CD274: variants seen among roughly 807,000 people sequenced by gnomAD.
CD274 encodes CD274 molecule, also known as programmed cell death 1 ligand 1.
CD274 carries 8 observed loss-of-function variants against 30.1 expected under a neutral mutation model. The ratio of observed to expected loss-of-function variants is 0.27; its 90% CI spans 0.16 to 0.48. CD274 has a LOEUF of 0.48. Ranked by LOEUF, CD274 falls within the 20% of genes least tolerant of loss-of-function variation. CD274 has a pLI of 0.99. For synonymous variants in CD274, 152 were observed against 124.6 expected (o/e 1.22, Z -1.46); for missense variants, 353 against 346.6 (o/e 1.02, Z -0.15).
intron 1 of CD274, among the ~76,000 whole-genome samples, chr9:5,454,299 T>C (rs1819261503): frequency 2.0e-5 from 3 of 152,224 alleles, no homozygotes; most frequent in Non-Finnish European, 4.4e-5. Context: ...CCTTCCTTTT[T>C]TCCCTTTAAA....
At chr9:5,458,237 T>C (rs1444520819) in intron 3 of CD274, among the ~76,000 whole-genome samples, 1 of 152,156 alleles carries the variant, frequency 6.6e-6, no homozygotes, top group Non-Finnish European at 1.5e-5. Context: ...TTTCACAGAA[T>C]TGAGAGCTGA....
intron 3 of CD274, among the ~76,000 whole-genome samples, chr9:5,462,613 A>G (rs1254082406): frequency 6.6e-6 from 1 of 152,208 alleles, no homozygotes; most frequent in African/African-American, 2.4e-5. Context: ...CATGATTTTT[A>G]TAGAAAGATA....
intron 1 of CD274, among the ~76,000 whole-genome samples, chr9:5,452,920 C>T (rs1417704702): frequency 7.0e-6 from 1 of 143,398 alleles, no homozygotes; most frequent in Non-Finnish European, 1.6e-5. Flanking sequence ...AAGTTTTCTT[C>T]TGCCTAGTAA....
intron 2 of CD274, 135 bp downstream of exon 2, chr9:5,456,300 A>T (rs1819301118): frequency 1.7e-6 from 1 of 588,448 alleles, no homozygotes; most frequent in Non-Finnish European, 3.0e-6. Context: ...TACTTTACAC[A>T]ATGGCAAAGT....
chr9:5,454,872 CTT>C (rs1322415828), intron 1 of CD274, among the ~76,000 whole-genome samples: 1 of 152,016 alleles, frequency 6.6e-6, no homozygotes, highest in Non-Finnish European at 1.5e-5. Context: ...TATTTCATAT[CTT>C]ATATTTTTTA....
rs114579116 is a variant in CD274, at chr9:5,469,424, C to T, written c.*1562C>T. 992 of 232,010 alleles carry T rather than the reference C, an allele frequency of 4.3e-3. 6 individuals carry two copies. Among genetic ancestry groups the T allele is most frequent in the African/African-American group, 0.02 (913 of 45,388 alleles). The allele number at this position is 232,010 out of a possible 1,614,324, so 14.4% of individuals were successfully genotyped here. The stretch of plus-strand genomic sequence containing the variant: ...TCCTTTCCAGAAGCAACTGCTACTG[C>T]CTTTCATTCATATGTTCTTCTAAAG... On this transcript the variant is annotated 3_prime_UTR_variant, in exon 7 of 7. Transcript: ENST00000381577.
chr9:5,457,193 A>G lies in CD274; in HGVS notation c.167A>G (p.Tyr56Cys), dbSNP rs2131211665. The change falls in exon 3 of 7, where the codon TAT becomes TGT. Residue 56 changes from tyrosine (Y) to cysteine (C), a missense_variant. Tyr to Cys is a radical substitution (Grantham distance 194). Transcript: ENST00000381577. ...KQLDLAALIV[Y>C]WEMEDKNIIQ... Reference sequence around the variant, plus strand: ...TTAGACCTGGCTGCACTAATTGTCTATTGGGAAATGGAGGATAAGAACATT... The same window carrying G: ...TTAGACCTGGCTGCACTAATTGTCTGTTGGGAAATGGAGGATAAGAACATT... 6.2e-7 allele frequency: 1 copy of G among 1,614,012 alleles called. No individual in the cohort carries two copies. Among genetic ancestry groups the G allele is most frequent in the Non-Finnish European group, 8.5e-7 (1 of 1,179,860 alleles).
At chr9:5,451,543 T>G (rs373011533) in intron 1 of CD274, among the ~76,000 whole-genome samples, 1 of 152,356 alleles carries the variant, frequency 6.6e-6, no homozygotes, top group East Asian at 1.9e-4. Flanking sequence ...AAAGGATGTA[T>G]CAGTTGACAA....
chr9:5,465,424 T>C (rs1819480225), intron 4 of CD274, 75 bp from the exon 5 acceptor site: 1 of 820,714 alleles, frequency 1.2e-6, no homozygotes, highest in Non-Finnish European at 2.1e-6. Flanking sequence ...ACTTCAAGGA[T>C]GACCATTCTC....
chr9:5,452,026 CT>C (rs71326169), intron 1 of CD274, among the ~76,000 whole-genome samples: 302 of 126,410 alleles, frequency 2.4e-3, no homozygotes, highest in Middle Eastern at 0.017. Flanking sequence ...TTTTTTTTGT[CT>C]TTTTTTTTTT....
In CD274 at chr9:5,469,571, A is replaced by G. The variant is rs965257255; in HGVS notation, c.*1709A>G. ...TTTTATTTATTTTAGTGTTTCTTAT[A>G]TAGCAGATGGAATGAATTTGAAGTT... On this transcript the variant is annotated 3_prime_UTR_variant, in exon 7 of 7. Coordinates refer to ENST00000381577, the MANE Select transcript of CD274 (RefSeq NM_014143.4). The G allele has an allele frequency of 1.7e-5, 4 of 231,824 alleles. No individual in the cohort carries two copies. The highest frequency in any genetic ancestry group is 1.7e-4 in the Admixed American group (3 of 17,738). The allele number at this position is 231,824 out of a possible 1,614,324, so 14.4% of individuals were successfully genotyped here. A position where few individuals can be genotyped will look rare whatever the true frequency, so the allele number is the denominator to read the frequency against.
intron 3 of CD274, among the ~76,000 whole-genome samples, chr9:5,458,569 A>C (rs934533272): frequency 1.3e-5 from 2 of 152,222 alleles, no homozygotes; most frequent in Non-Finnish European, 2.9e-5. Context: ...TACAAGTAGA[A>C]AAAGTATACA....
rs1819540752 is a variant in CD274, at chr9:5,468,877, A to C, written c.*1015A>C. 2 of 233,054 alleles carry C rather than the reference A, an allele frequency of 8.6e-6. No homozygotes were observed. The highest frequency in any genetic ancestry group is 1.7e-5 in the Non-Finnish European group (2 of 117,960). The allele number at this position is 233,054 out of a possible 1,614,324, so 14.4% of individuals were successfully genotyped here. ...TCTTTTATTCAAAAACCATTTATTAAGTGCCCTTGCAATATCAATCGCTGT... is the reference window on the plus strand; with the variant it reads ...TCTTTTATTCAAAAACCATTTATTACGTGCCCTTGCAATATCAATCGCTGT... On this transcript the variant is annotated 3_prime_UTR_variant, in exon 7 of 7. Coordinates refer to ENST00000381577, the MANE Select transcript of CD274 (RefSeq NM_014143.4).
chr9:5,456,867 A>G (rs1819313120), intron 2 of CD274, among the ~76,000 whole-genome samples: 1 of 152,310 alleles, frequency 6.6e-6, no homozygotes. Context: ...AGCTAATTTT[A>G]TTATTCTGCT....
chr9:5,459,871 G>A (rs542374980), intron 3 of CD274, among the ~76,000 whole-genome samples: 16 of 152,058 alleles, frequency 1.1e-4, no homozygotes, highest in Admixed American at 8.5e-4. Context: ...GGACCAAATC[G>A]ACTGCTGTCA....
At chr9:5,453,133 G>A (rs1819236961) in intron 1 of CD274, among the ~76,000 whole-genome samples, 1 of 152,048 alleles carries the variant, frequency 6.6e-6, no homozygotes, top group African/African-American at 2.4e-5. Context: ...AGGCCTGAAT[G>A]CCATCGCTAT....
chr9:5,454,646 T>C (rs901279610), intron 1 of CD274, among the ~76,000 whole-genome samples: 3 of 152,048 alleles, frequency 2.0e-5, no homozygotes, highest in Non-Finnish European at 2.9e-5. Flanking sequence ...TATATATGTG[T>C]GTGTGTGTGT....
At chr9:5,467,211 A>G (rs1246487150) in intron 6 of CD274, among the ~76,000 whole-genome samples, 2 of 151,082 alleles carry the variant, frequency 1.3e-5, no homozygotes, top group African/African-American at 4.9e-5. Flanking sequence ...AAAGAGAGAG[A>G]GAGAGAGAGA....
chr9:5,451,585 A>C (rs1419476903), intron 1 of CD274, among the ~76,000 whole-genome samples: 1 of 152,262 alleles, frequency 6.6e-6, no homozygotes, highest in Non-Finnish European at 1.5e-5. Flanking sequence ...AAGGAGAACT[A>C]TGATACTCTG....
Sources: allele counts gnomAD v4.1 joint callset (sites outside exome capture counted in the v4.1 genomes callset), GRCh38; gene constraint gnomAD v4.1.1; transcripts MANE v1.5; gene names NCBI Gene and HGNC (gene_info 2026-07-23, HGNC 2026-07-21).